AUTS2: variants seen among roughly 807,000 people sequenced by gnomAD.
AUTS2 encodes the protein autism susceptibility gene 2 protein.
A neutral mutation model predicts 112.4 loss-of-function variants in AUTS2; 17 were observed. The ratio of observed to expected loss-of-function variants is 0.15; its 90% CI spans 0.10 to 0.23. The LOEUF (loss-of-function observed/expected upper bound fraction) is 0.23, where lower values mean the gene tolerates loss of function less well. AUTS2 is among the 10% of genes least tolerant of loss of function. AUTS2 has a pLI of 1.00. For missense variants in AUTS2, 1,510 were observed against 1,701.6 expected (o/e 0.89, Z 1.98); for synonymous variants, 751 against 702.7 (o/e 1.07, Z -1.09).
intron 2 of AUTS2, among the ~76,000 whole-genome samples, chr7:70,091,007 G>T (rs893909496): frequency 4.6e-5 from 7 of 152,044 alleles, no homozygotes; most frequent in African/African-American, 1.4e-4. Flanking sequence ...CAGGCCTACT[G>T]GTGATTAATT....
intron 1 of AUTS2, among the ~76,000 whole-genome samples, chr7:69,816,385 C>A (rs1790763316): frequency 6.6e-6 from 1 of 152,186 alleles, no homozygotes; most frequent in Non-Finnish European, 1.5e-5. Context: ...TGGCTAAGAT[C>A]AGATTTTTGT....
chr7:70,469,728 C>T lies in AUTS2; in HGVS notation c.690+33947C>T, dbSNP rs375103170. 9.2e-5 allele frequency among the ~76,000 whole-genome samples: 14 copies of T among 152,352 alleles called. No individual in the cohort carries two copies. The East Asian group carries it at 1.5e-3, about 17-fold the overall frequency. On this transcript the variant is annotated intron_variant, in intron 5 of 18. Transcript: ENST00000342771. ...TGGTCTAGGCTCACTGCAACCTCCA[C>T]CTCCTGGGTTCAAGCGATTCTCCTG...
At chr7:70,452,664 C>T (rs975644954) in intron 5 of AUTS2, among the ~76,000 whole-genome samples, 1 of 152,054 alleles carries the variant, frequency 6.6e-6, no homozygotes, top group Non-Finnish European at 1.5e-5. Context: ...ACATAAGTGT[C>T]TTAAAGAGGT....
At chr7:69,875,297 G>A (rs1267740204) in intron 1 of AUTS2, among the ~76,000 whole-genome samples, 1 of 152,138 alleles carries the variant, frequency 6.6e-6, no homozygotes, top group Non-Finnish European at 1.5e-5. Context: ...TCTCTCCTGT[G>A]TATCTAAATG....
chr7:69,745,319 A>G (rs1787443665), intron 1 of AUTS2, among the ~76,000 whole-genome samples: 2 of 152,200 alleles, frequency 1.3e-5, no homozygotes, highest in Non-Finnish European at 2.9e-5. Flanking sequence ...ATTCAAACTC[A>G]GACTATTTAC....
intron 5 of AUTS2, among the ~76,000 whole-genome samples, chr7:70,475,523 C>G (rs75148821): frequency 6.6e-6 from 1 of 152,172 alleles, no homozygotes. Flanking sequence ...TTATTTCCCC[C>G]ACAGCATTCG....
intron 1 of AUTS2, among the ~76,000 whole-genome samples, chr7:69,810,459 A>C (rs1322406540): frequency 2.6e-5 from 4 of 151,894 alleles, no homozygotes; most frequent in African/African-American, 9.7e-5. Flanking sequence ...CCCTTGGCAC[A>C]CAGTAGTTGT....
chr7:69,862,573 C>G (rs1194730315), intron 1 of AUTS2, among the ~76,000 whole-genome samples: 1 of 152,100 alleles, frequency 6.6e-6, no homozygotes, highest in African/African-American at 2.4e-5. Context: ...TCAGAAACTT[C>G]CCCTTAGACA....
intron 2 of AUTS2, among the ~76,000 whole-genome samples, chr7:69,980,063 TTTCCCCAC>T (rs1798231933): frequency 6.6e-6 from 1 of 152,092 alleles, no homozygotes; most frequent in Non-Finnish European, 1.5e-5. Flanking sequence ...CCACCAGACT[TTTCCCCAC>T]TTCACCCCCT....
At chr7:70,444,343 CGTGTGT>C (rs370735846) in intron 5 of AUTS2, among the ~76,000 whole-genome samples, 18 of 138,764 alleles carry the variant, frequency 1.3e-4, no homozygotes, top group East Asian at 8.3e-4. Context: ...TGGTCATGTA[CGTGTGT>C]GTGTGTGTGT....
At position 70,425,337 on chromosome 7, in the gene AUTS2, A is replaced by G. The variant is rs544107697; in HGVS notation, c.661-10415A>G. ...TCTGTTCATGCTACCCTGATCATGT[A>G]ATCTATTCATATTCATTCTGCCTTC... On this transcript the variant is annotated intron_variant, in intron 4 of 18. Coordinates refer to ENST00000342771, the MANE Select transcript of AUTS2 (RefSeq NM_015570.4). Among the ~76,000 whole-genome samples, 3 of 152,344 alleles carry G rather than the reference A, an allele frequency of 2.0e-5. No homozygotes were observed. In the East Asian group the frequency reaches 5.8e-4, roughly 29 times the overall value.
chr7:70,555,873 C>T (rs950942853), intron 5 of AUTS2, among the ~76,000 whole-genome samples: 1 of 150,788 alleles, frequency 6.6e-6, no homozygotes, highest in African/African-American at 2.4e-5. Context: ...AGTGCGATCT[C>T]GGCTCACTGC....
At chr7:70,010,172 G>A (rs923134419) in intron 2 of AUTS2, among the ~76,000 whole-genome samples, 1 of 151,902 alleles carries the variant, frequency 6.6e-6, no homozygotes, top group African/African-American at 2.4e-5. Context: ...TTGAGACAGG[G>A]TCTCATTCTG....
intron 1 of AUTS2, among the ~76,000 whole-genome samples, chr7:69,796,181 G>C (rs972389178): frequency 1.3e-5 from 2 of 152,166 alleles, no homozygotes; most frequent in Non-Finnish European, 2.9e-5. Context: ...GGGGTGAAAA[G>C]ATGTAACCTA....
intron 2 of AUTS2, among the ~76,000 whole-genome samples, chr7:70,098,141 A>G (rs1364468391): frequency 1.3e-5 from 2 of 152,214 alleles, no homozygotes; most frequent in East Asian, 1.9e-4. Flanking sequence ...GTTTATAAAT[A>G]TGGCCTCATA....
At chr7:70,762,804 T>A in intron 6 of AUTS2, 66 bp from the exon 7 acceptor site, 1 of 1,221,134 alleles carries the variant, frequency 8.2e-7, no homozygotes, top group Admixed American at 1.7e-5. Context: ...TGGAGTTTCC[T>A]TTCCCTCCTT....
chr7:69,729,035 C>T (rs1708858957), intron 1 of AUTS2, among the ~76,000 whole-genome samples: 2 of 152,050 alleles, frequency 1.3e-5, no homozygotes, highest in African/African-American at 4.8e-5. Flanking sequence ...TTGTGTGTGT[C>T]ACATGTTGGT....
At chr7:70,452,816 C>G (rs1467475249) in intron 5 of AUTS2, among the ~76,000 whole-genome samples, 36 of 152,088 alleles carry the variant, frequency 2.4e-4, no homozygotes, top group Non-Finnish European at 5.9e-5. Flanking sequence ...CGGTGGGCCC[C>G]CAAGGGAAGA....
chr7:70,561,033 GA>G (rs1801465040), intron 5 of AUTS2, among the ~76,000 whole-genome samples: 1 of 152,076 alleles, frequency 6.6e-6, no homozygotes, highest in African/African-American at 2.4e-5. Context: ...TTGTGTCTGT[GA>G]AAAAAAGCAA....
Sources: allele counts gnomAD v4.1 joint callset (sites outside exome capture counted in the v4.1 genomes callset), GRCh38; gene constraint gnomAD v4.1.1; transcripts MANE v1.5; gene names NCBI Gene and HGNC (gene_info 2026-07-23, HGNC 2026-07-21).